The following MCPH1 variants were observed in gnomAD, a reference collection of about 807,000 sequenced individuals.
The protein encoded by MCPH1 is microcephalin 1.
Under a neutral mutation model 84.5 loss-of-function variants are expected in MCPH1, and 104 were observed. That is an observed-to-expected ratio of 1.23 (90% CI 1.05 to 1.45). The LOEUF (loss-of-function observed/expected upper bound fraction) is 1.45. Ranked by LOEUF, MCPH1 falls within the 40% of genes most tolerant of loss-of-function variation. The probability of loss-of-function intolerance (pLI) is 0.00; values close to 1 mark genes in which losing one functional copy is unlikely to be tolerated. For synonymous variants in MCPH1, 514 were observed against 366.8 expected (o/e 1.40, Z -4.58); for missense variants, 1,498 against 1,005.7 (o/e 1.49, Z -6.62).
At chr8:6,541,029 G>T (rs1177798878) in intron 12 of MCPH1, among the ~76,000 whole-genome samples, 1 of 126,830 alleles carries the variant, frequency 7.9e-6, no homozygotes. Flanking sequence ...GCTTGCGAGA[G>T]TGCCGAGGAG....
intron 12 of MCPH1, among the ~76,000 whole-genome samples, chr8:6,565,393 G>T (rs193077606): frequency 9.9e-4 from 151 of 152,228 alleles, no homozygotes; most frequent in African/African-American, 3.6e-3. Flanking sequence ...ATATTGTAAG[G>T]TATTAATATC....
At chr8:6,558,897 T>C (rs921390860) in intron 12 of MCPH1, among the ~76,000 whole-genome samples, 3 of 152,162 alleles carry the variant, frequency 2.0e-5, no homozygotes, top group Non-Finnish European at 4.4e-5. Flanking sequence ...ACTATACATA[T>C]ACATATCGCA....
At chr8:6,457,892 G>C (rs1377868333) in intron 9 of MCPH1, among the ~76,000 whole-genome samples, 1 of 152,102 alleles carries the variant, frequency 6.6e-6, no homozygotes, top group Admixed American at 6.5e-5. Context: ...AGTGCTTCCT[G>C]ACTGGGCTGC....
At chr8:6,570,380 TTAAAAA>T (rs1355221415) in intron 12 of MCPH1, among the ~76,000 whole-genome samples, 4 of 152,234 alleles carry the variant, frequency 2.6e-5, no homozygotes, top group Non-Finnish European at 5.9e-5. Context: ...GTATATTTTG[TTAAAAA>T]TAAGTATCTG....
rs148583832 is a variant in MCPH1 at position 6,610,053 on chromosome 8, G to A, written c.2215-11401G>A. Reference sequence around the variant, plus strand: ...CCTGACAACACATGGTTTTGCCTGAGGCCTTTACTGCCAAGAGCCGTAAGG... The same window carrying A: ...CCTGACAACACATGGTTTTGCCTGAAGCCTTTACTGCCAAGAGCCGTAAGG... On this transcript the variant is annotated intron_variant, in intron 12 of 13. Transcript: ENST00000344683. 7.7e-4 allele frequency among the ~76,000 whole-genome samples: 117 copies of A among 152,286 alleles called. 1 individual carries two copies. Among genetic ancestry groups the A allele is most frequent in the African/African-American group, 2.8e-3 (115 of 41,544 alleles).
intron 12 of MCPH1, among the ~76,000 whole-genome samples, chr8:6,617,618 T>A (rs924779607): frequency 6.7e-6 from 1 of 149,696 alleles, no homozygotes; most frequent in Non-Finnish European, 1.5e-5. Flanking sequence ...GGTGTGTGCA[T>A]GTGTGTGTGT....
At chr8:6,503,950 A>G (rs1294457864) in intron 12 of MCPH1, among the ~76,000 whole-genome samples, 2 of 152,162 alleles carry the variant, frequency 1.3e-5, no homozygotes, top group Admixed American at 1.3e-4. Flanking sequence ...CTTATCTGCT[A>G]TTTTTGCTTT....
At chr8:6,537,252 G>A (rs895204955) in intron 12 of MCPH1, among the ~76,000 whole-genome samples, 13 of 152,102 alleles carry the variant, frequency 8.5e-5, no homozygotes, top group Admixed American at 6.6e-4. Flanking sequence ...GTAGGCACAC[G>A]TGTCTGAATA....
At chr8:6,446,213 T>C in intron 8 of MCPH1, 1 of 919,348 alleles carries the variant, frequency 1.1e-6, no homozygotes. Context: ...TTATTAAAAG[T>C]CAAAACAATA....
At position 6,445,047 on chromosome 8, in the gene MCPH1, T is replaced by C; in HGVS notation, c.1325T>C (p.Leu442Ser). ...CAGCTGCCATCAAGCCCTGCTCAGT[T>C]GAGCTGCAGAAGTCTTTCTAAGAAG... ...ESQLPSSPAQ[L>S]SCRSLSKKER... The change falls in exon 8 of 14, where the codon TTG becomes TCG. Residue 442 changes from leucine to serine, a missense_variant. By Grantham distance (145) the Leu-to-Ser change is moderately radical. Transcript: ENST00000344683. 1 of 1,614,234 alleles carries C rather than the reference T, an allele frequency of 6.2e-7. No homozygotes were observed. The highest frequency in any genetic ancestry group is 2.2e-5 in the East Asian group (1 of 44,882).
rs190956699 is a variant in MCPH1, at chr8:6,588,550, C to G, written c.2215-32904C>G. Among the ~76,000 whole-genome samples, 94 of 152,324 alleles carry G rather than the reference C, an allele frequency of 6.2e-4. 3 individuals are homozygous for G. Among genetic ancestry groups the G allele is most frequent in the Admixed American group, 5.4e-3 (83 of 15,292 alleles). On this transcript the variant is annotated intron_variant, in intron 12 of 13. Transcript: ENST00000344683. ...AGGGAGGCTGTGTCCAGCCGGGCTC[C>G]TGGAGTGGCGTAAGTCTGGTTGAAC...
chr8:6,488,957 G>A (rs1039533072), intron 11 of MCPH1, among the ~76,000 whole-genome samples: 20 of 152,204 alleles, frequency 1.3e-4, no homozygotes, highest in African/African-American at 3.4e-4. Context: ...AATCTGTAAC[G>A]TCAGGTGTGT....
At chr8:6,504,223 C>T (rs1239270377) in intron 12 of MCPH1, among the ~76,000 whole-genome samples, 1 of 142,886 alleles carries the variant, frequency 7.0e-6, no homozygotes, top group Non-Finnish European at 1.5e-5. Context: ...GAGGCTGAGG[C>T]AGGAGAATGG....
In MCPH1 at chr8:6,445,712, T is replaced by C. The variant is rs2129555814; in HGVS notation, c.1825+165T>C. ...ATTCCAATGATAAACTCTTTAGGAATAGATGACTTGCTGTCTTGTGGAACT... is the reference window on the plus strand; with the variant it reads ...ATTCCAATGATAAACTCTTTAGGAACAGATGACTTGCTGTCTTGTGGAACT... On this transcript the variant is annotated intron_variant, in intron 8 of 13. Coordinates refer to ENST00000344683, the MANE Select transcript of MCPH1 (RefSeq NM_024596.5). 3 of 1,414,958 alleles carry C rather than the reference T, an allele frequency of 2.1e-6. 1 individual carries two copies. The highest frequency in any genetic ancestry group is 1.7e-5 in the South Asian group (1 of 59,108). The allele number at this position is 1,414,958 out of a possible 1,614,324, so 87.7% of individuals were successfully genotyped here. A position where few individuals can be genotyped will look rare whatever the true frequency, so the allele number is the denominator to read the frequency against.
At chr8:6,446,754 G>T (rs1262112297) in intron 8 of MCPH1, 3 of 985,134 alleles carry the variant, frequency 3.0e-6, no homozygotes, top group African/African-American at 3.5e-5. Context: ...GAATAATAAT[G>T]ACATGGAAAT....
intron 12 of MCPH1, among the ~76,000 whole-genome samples, chr8:6,617,480 G>C (rs752550096): frequency 6.6e-6 from 1 of 151,830 alleles, no homozygotes; most frequent in Non-Finnish European, 1.5e-5. Context: ...ATAAATAGAT[G>C]AGCCTGGTTA....
chr8:6,527,131 G>A (rs947147430), intron 12 of MCPH1, among the ~76,000 whole-genome samples: 2 of 152,210 alleles, frequency 1.3e-5, no homozygotes, highest in African/African-American at 4.8e-5. Flanking sequence ...TGGGCCAGTG[G>A]TTCTTTCACT....
chr8:6,471,889 A>C (rs2515585), intron 9 of MCPH1, among the ~76,000 whole-genome samples: 121,790 of 152,208 alleles, frequency 0.8, 49,380 homozygotes, highest in Non-Finnish European at 0.86. Flanking sequence ...GTCAGAGAAA[A>C]ACAGAAATCT....
intron 9 of MCPH1, among the ~76,000 whole-genome samples, chr8:6,465,686 G>A (rs1462924702): frequency 6.6e-6 from 1 of 152,118 alleles, no homozygotes; most frequent in Non-Finnish European, 1.5e-5. Context: ...GAGGGCGGGG[G>A]AGGCCTGCAA....
Sources: allele counts gnomAD v4.1 joint callset (sites outside exome capture counted in the v4.1 genomes callset), GRCh38; gene constraint gnomAD v4.1.1; transcripts MANE v1.5; gene names NCBI Gene and HGNC (gene_info 2026-07-23, HGNC 2026-07-21).